Variants in DEFB134 observed in about 807,000 individuals in gnomAD.
The protein encoded by DEFB134 is beta-defensin 134.
Under a neutral mutation model 7.4 loss-of-function variants are expected in DEFB134, and 7 were observed. The ratio of observed to expected loss-of-function variants is 0.95; its 90% confidence interval spans 0.54 to 1.79. DEFB134 has a LOEUF of 1.79. Ranked by LOEUF, DEFB134 falls within the 40% of genes most tolerant of loss-of-function variation. The pLI is 0.00. For missense variants in DEFB134, 105 were observed against 74.8 expected, an observed-to-expected ratio of 1.40 and a Z score of -1.49; for synonymous variants, 33 against 25.0, an observed-to-expected ratio of 1.32 and a Z score of -0.96.
chr8:11,994,205 C>A (rs1443901070), intron 1 of DEFB134, 83 bp from the exon 3 acceptor site: 16 of 1,454,730 alleles, frequency 1.1e-5, no homozygotes, highest in Non-Finnish European at 1.5e-5. Flanking sequence ...TTTTATCCAA[C>A]CGGATACCAA....
chr8:11,996,240 G>A (rs1800119061), exon 1 of DEFB134: 1 of 1,613,744 alleles, frequency 6.2e-7, no homozygotes, highest in Non-Finnish European at 8.5e-7. Flanking sequence ...ACACAACAAG[G>A]AGAGGCTTCA....
At chr8:11,994,270 G>T in intron 1 of DEFB134, 148 bp from the exon 3 acceptor site, 1 of 991,492 alleles carries the variant, frequency 1.0e-6, no homozygotes, top group South Asian at 1.7e-5. Context: ...TTAGTGGTAG[G>T]GGCTGAATTG....
intron 1 of DEFB134, among the ~76,000 whole-genome samples, chr8:11,995,321 C>G (rs987533036): frequency 1.3e-5 from 2 of 152,308 alleles, no homozygotes; most frequent in African/African-American, 2.4e-5. Context: ...CCCATGAATT[C>G]TTAAATTTAG....
upstream of DEFB134, among the ~76,000 whole-genome samples, chr8:12,000,241 T>C (rs530858128): frequency 6.6e-6 from 1 of 152,342 alleles, no homozygotes; most frequent in African/African-American, 2.4e-5. Flanking sequence ...TCCTTTTTTT[T>C]TCATAGCACT....
At chr8:11,997,298 A>C (rs141800623), upstream of DEFB134, among the ~76,000 whole-genome samples, 3 of 152,166 alleles carry the variant, frequency 2.0e-5, no homozygotes, top group African/African-American at 7.2e-5. Context: ...CTATACATCT[A>C]TGTGTTTATC....
chr8:11,995,139 T>C (rs1800083568), intron 1 of DEFB134, among the ~76,000 whole-genome samples: 1 of 152,186 alleles, frequency 6.6e-6, no homozygotes, highest in South Asian at 2.1e-4. Context: ...TGAAATATAA[T>C]GGTCTATAAA....
upstream of DEFB134, among the ~76,000 whole-genome samples, chr8:11,998,777 G>C (rs932239532): frequency 2.0e-5 from 3 of 152,024 alleles, no homozygotes; most frequent in Admixed American, 1.3e-4. Flanking sequence ...GAATGAATAA[G>C]TCTGCTTATT....
chr8:11,994,055 G>A, exon 2 of DEFB134: 1 of 1,613,874 alleles, frequency 6.2e-7, no homozygotes, highest in Non-Finnish European at 8.5e-7. Context: ...CACTCTCATA[G>A]CATTCAAGTC....
chr8:11,996,106 C>T, intron 1 of DEFB134, 88 bp downstream of exon 2: 1 of 1,481,704 alleles, frequency 6.7e-7, no homozygotes, highest in East Asian at 2.3e-5. Context: ...ATTAAAGGGC[C>T]CATGGGTGGT....
Position 11,994,136 on chromosome 8 carries a change from G to C in DEFB134, c.59-14C>G. The C allele has an allele frequency of 6.2e-7, 1 of 1,606,550 alleles. No homozygotes were observed. The highest frequency in any genetic ancestry group is 8.5e-7 in the Non-Finnish European group (1 of 1,177,602). ...ATGAATTTATACCTGGAAGGAAAATGAATAGAAAGATAATTCACTACAGGC... is the reference window on the plus strand; with the variant it reads ...ATGAATTTATACCTGGAAGGAAAATCAATAGAAAGATAATTCACTACAGGC... On this transcript the variant is annotated splice_polypyrimidine_tract_variant and intron_variant, in intron 1 of 1. Coordinates refer to ENST00000526438, the Ensembl canonical transcript of DEFB134.
upstream of DEFB134, among the ~76,000 whole-genome samples, chr8:11,997,107 A>G (rs78191606): frequency 3.4e-3 from 520 of 152,244 alleles, 4 homozygotes; most frequent in African/African-American, 0.012. Flanking sequence ...AAAGGCCACA[A>G]CTTTTCTGCT....
upstream of DEFB134, among the ~76,000 whole-genome samples, chr8:12,000,513 G>A (rs769560469): frequency 1.3e-5 from 2 of 152,124 alleles, no homozygotes; most frequent in East Asian, 1.9e-4. Context: ...TGAAACAGTC[G>A]ATAATACTGA....
At chr8:11,996,256 G>T in exon 1 of DEFB134, 1 of 1,613,536 alleles carries the variant, frequency 6.2e-7, no homozygotes, top group Non-Finnish European at 8.5e-7. Context: ...CTTCATGGCT[G>T]GGAACTTCTG....
upstream of DEFB134, among the ~76,000 whole-genome samples, chr8:11,997,747 C>G (rs977609979): frequency 3.9e-5 from 6 of 152,188 alleles, no homozygotes; most frequent in Non-Finnish European, 5.9e-5. Context: ...TATGAAGAGA[C>G]TTAGATAACC....
exon 2 of DEFB134, chr8:11,994,016 C>G: frequency 1.9e-6 from 3 of 1,613,872 alleles, no homozygotes; most frequent in Non-Finnish European, 2.5e-6. Context: ...AGCACTCCAG[C>G]TGAAACATAC....
upstream of DEFB134, among the ~76,000 whole-genome samples, chr8:11,998,266 T>G (rs983971859): frequency 6.6e-6 from 1 of 151,652 alleles, no homozygotes; most frequent in African/African-American, 2.4e-5. Context: ...TTGTGCAACA[T>G]GGTGGGACCC....
At chr8:11,998,375 T>G (rs1454541275), upstream of DEFB134, among the ~76,000 whole-genome samples, 1 of 151,718 alleles carries the variant, frequency 6.6e-6, no homozygotes, top group Admixed American at 6.6e-5. Context: ...TGCTTGCGCC[T>G]AAGGGGTTGG....
exon 2 of DEFB134, chr8:11,993,913 C>A (rs867801806): frequency 6.4e-7 from 1 of 1,566,774 alleles, no homozygotes. Flanking sequence ...ATCTAAATTC[C>A]CTGGTTTTGT....
upstream of DEFB134, among the ~76,000 whole-genome samples, chr8:11,996,969 G>C (rs1169292323): frequency 6.6e-6 from 1 of 152,154 alleles, no homozygotes; most frequent in Non-Finnish European, 1.5e-5. Context: ...AATCGGATAA[G>C]TTTTGCCATA....
Sources: allele counts gnomAD v4.1 joint callset (sites outside exome capture counted in the v4.1 genomes callset), GRCh38; gene constraint gnomAD v4.1.1; transcripts MANE v1.5; gene names NCBI Gene and HGNC (gene_info 2026-07-23, HGNC 2026-07-21).